The following OPCML variants were observed in gnomAD, a reference collection of about 807,000 sequenced individuals.
OPCML encodes opioid binding protein/cell adhesion molecule like.
In OPCML, 13 loss-of-function variants were observed where a neutral mutation model predicts 37.8. That is an observed-to-expected ratio of 0.34 (90% CI 0.22 to 0.55). The LOEUF (loss-of-function observed/expected upper bound fraction) is 0.55, where lower values mean the gene tolerates loss of function less well. OPCML is among the 20% of genes least tolerant of loss of function. The pLI is 0.91. For missense variants in OPCML, 341 were observed against 435.6 expected (o/e 0.78, Z 1.93); for synonymous variants, 176 against 168.8 (o/e 1.04, Z -0.33).
chr11:132,623,434 A>C (rs2137932865), intron 3 of OPCML, among the ~76,000 whole-genome samples: 1 of 152,216 alleles, frequency 6.6e-6, no homozygotes, highest in Admixed American at 6.5e-5. Flanking sequence ...AAAAGAGAAA[A>C]GTTGTTGTCC....
chr11:132,808,977 G>T (rs1162032779), intron 2 of OPCML, among the ~76,000 whole-genome samples: 1 of 151,782 alleles, frequency 6.6e-6, no homozygotes, highest in African/African-American at 2.4e-5. Context: ...TTTAAAATTT[G>T]GTCGGTGGGG....
At chr11:133,176,299 C>T (rs1474505919) in intron 1 of OPCML, among the ~76,000 whole-genome samples, 2 of 150,000 alleles carry the variant, frequency 1.3e-5, no homozygotes, top group African/African-American at 2.5e-5. Context: ...AATGAGGCTG[C>T]ATCAGGAAAA....
intron 3 of OPCML, among the ~76,000 whole-genome samples, chr11:132,566,833 G>T (rs575663942): frequency 6.6e-6 from 1 of 152,266 alleles, no homozygotes; most frequent in African/African-American, 2.4e-5. Context: ...AAAATAAGTA[G>T]GTAGTACAGG....
intron 3 of OPCML, among the ~76,000 whole-genome samples, chr11:132,654,934 C>A (rs1329285096): frequency 1.3e-5 from 2 of 151,110 alleles, no homozygotes; most frequent in Admixed American, 6.6e-5. Context: ...GACTGAGGAG[C>A]TGACCTCTGA....
intron 7 of OPCML, chr11:132,435,338 C>T: frequency 1.6e-6 from 1 of 628,824 alleles, no homozygotes; most frequent in Non-Finnish European, 2.0e-6. Flanking sequence ...TACCTCTCTT[C>T]ATCCTTCATC....
At chr11:132,476,493 T>C (rs2096156255) in intron 4 of OPCML, among the ~76,000 whole-genome samples, 1 of 152,116 alleles carries the variant, frequency 6.6e-6, no homozygotes, top group South Asian at 2.1e-4. Context: ...ATATATACCA[T>C]GGAATACTAT....
chr11:133,396,611 G>T (rs1233312922), intron 1 of OPCML, among the ~76,000 whole-genome samples: 1 of 152,128 alleles, frequency 6.6e-6, no homozygotes, highest in African/African-American at 2.4e-5. Flanking sequence ...GTCCTCCTTT[G>T]ATTACAACAT....
chr11:132,873,531 G>A (rs943777461), intron 2 of OPCML, among the ~76,000 whole-genome samples: 2 of 152,112 alleles, frequency 1.3e-5, no homozygotes, highest in African/African-American at 4.8e-5. Flanking sequence ...GGCACCCAAT[G>A]GGTGCTAGAG....
chr11:133,033,148 C>T (rs748575068), intron 1 of OPCML, among the ~76,000 whole-genome samples: 2 of 152,136 alleles, frequency 1.3e-5, no homozygotes, highest in South Asian at 2.1e-4. Context: ...AATTCTATTT[C>T]TCCAGTCTGG....
At chr11:132,441,410 C>A (rs1032978684) in intron 4 of OPCML, among the ~76,000 whole-genome samples, 2 of 151,832 alleles carry the variant, frequency 1.3e-5, no homozygotes, top group African/African-American at 4.8e-5. Flanking sequence ...CCTCGTGATC[C>A]GCCCGCCTCG....
chr11:133,066,669 T>A (rs1246188901), intron 1 of OPCML: 2 of 152,982 alleles, frequency 1.3e-5, no homozygotes, highest in Admixed American at 1.3e-4. Context: ...TTGTTTGTTG[T>A]TTGTTTTTGT....
rs371923609 is a variant in OPCML at position 132,824,043 on chromosome 11, C to T, written c.146+118883G>A. Among the ~76,000 whole-genome samples the T allele has an allele frequency of 5.3e-5, 8 of 152,270 alleles. No individual in the cohort carries two copies. In the South Asian group the frequency reaches 1.2e-3, roughly 24 times the overall value. On this transcript the variant is annotated intron_variant, in intron 2 of 7. Transcript: ENST00000524381. The stretch of plus-strand genomic sequence containing the variant: ...CAATCCTGAAACTCTTTCCTACCTA[C>T]GTCTCTCCTTCATTGAACTTTCCCT...
intron 1 of OPCML, among the ~76,000 whole-genome samples, chr11:133,049,444 G>A (rs957581317): frequency 1.1e-4 from 16 of 152,112 alleles, no homozygotes; most frequent in Admixed American, 3.3e-4. Flanking sequence ...CACTAATCAC[G>A]TGACCTTTCA....
chr11:132,609,332 A>T (rs1938495204), intron 3 of OPCML, among the ~76,000 whole-genome samples: 1 of 152,190 alleles, frequency 6.6e-6, no homozygotes, highest in African/African-American at 2.4e-5. Context: ...AAAAGTCTTA[A>T]TGTGAATACT....
intron 1 of OPCML, chr11:133,418,042 G>A (rs1945806212): frequency 1.0e-6 from 1 of 983,686 alleles, no homozygotes; most frequent in African/African-American, 1.7e-5. Flanking sequence ...GAAGATACAG[G>A]GCAGAGAGAA....
chr11:132,932,280 T>G (rs112786377), intron 2 of OPCML, among the ~76,000 whole-genome samples: 1,780 of 152,192 alleles, frequency 0.012, 45 homozygotes, highest in African/African-American at 0.041. Context: ...CACCGAACTG[T>G]ATATTTAAAA....
intron 1 of OPCML, among the ~76,000 whole-genome samples, chr11:133,075,239 T>C (rs960050914): frequency 1.3e-5 from 2 of 152,172 alleles, no homozygotes; most frequent in Admixed American, 6.5e-5. Context: ...TATGGCATTG[T>C]CAGGAATGGT....
At chr11:132,861,295 T>G (rs988620339) in intron 2 of OPCML, among the ~76,000 whole-genome samples, 1 of 152,200 alleles carries the variant, frequency 6.6e-6, no homozygotes, top group Non-Finnish European at 1.5e-5. Context: ...AAGCTGGGCT[T>G]CTTCATTTAT....
At chr11:133,268,800 CGATATGAGTA>C (rs1186194570) in intron 1 of OPCML, among the ~76,000 whole-genome samples, 8 of 152,152 alleles carry the variant, frequency 5.3e-5, no homozygotes, top group Admixed American at 5.2e-4. Flanking sequence ...CCTTTGAGTA[CGATATGAGTA>C]GATAATTTTT....
Sources: allele counts gnomAD v4.1 joint callset (sites outside exome capture counted in the v4.1 genomes callset), GRCh38; gene constraint gnomAD v4.1.1; transcripts MANE v1.5; gene names NCBI Gene and HGNC (gene_info 2026-07-23, HGNC 2026-07-21).